Variants in RAF1 observed in about 807,000 individuals in gnomAD.
RAF1 encodes the protein RAF proto-oncogene serine/threonine-protein kinase.
In RAF1, 27 loss-of-function variants were observed where a neutral mutation model predicts 81.1. That is an observed-to-expected ratio of 0.33 (90% CI 0.25 to 0.46). The LOEUF (loss-of-function observed/expected upper bound fraction) is 0.46, where lower values mean the gene tolerates loss of function less well. RAF1 is among the 20% of genes least tolerant of loss of function. The pLI, the probability that RAF1 is intolerant of heterozygous loss-of-function variation, is 1.00. For missense variants in RAF1, 598 were observed against 826.0 expected (o/e 0.72, Z 3.38); for synonymous variants, 298 against 294.0 (o/e 1.01, Z -0.14).
chr3:12,618,195 A>G (rs968115811), intron 2 of RAF1, among the ~76,000 whole-genome samples: 1 of 152,200 alleles, frequency 6.6e-6, no homozygotes, highest in Admixed American at 6.5e-5. Flanking sequence ...GTCTTCTAAA[A>G]TAAGTAGTTG....
At position 12,604,119 on chromosome 3, in the gene RAF1, C is replaced by G. The variant is rs1277822453; in HGVS notation, c.834+17G>C. On this transcript the variant is annotated intron_variant, in intron 7 of 17. Transcript: ENST00000442415. Reference sequence around the variant, plus strand: ...CATTAATTGACTGACATTACCACCCCCAAGGTGCCCTATTACCTCAATCAT... The same window carrying G: ...CATTAATTGACTGACATTACCACCCGCAAGGTGCCCTATTACCTCAATCAT... The G allele has an allele frequency of 1.9e-6, 3 of 1,613,752 alleles. No individual in the cohort carries two copies. The highest frequency in any genetic ancestry group is 1.3e-5 in the African/African-American group (1 of 75,004).
At chr3:12,606,558 T>A (rs2125408106) in intron 5 of RAF1, among the ~76,000 whole-genome samples, 1 of 152,216 alleles carries the variant, frequency 6.6e-6, no homozygotes. Flanking sequence ...TCTTTTTTTT[T>A]AAGATGGAGT....
At chr3:12,588,108 T>C (rs1011561392) in intron 13 of RAF1, 1 of 152,840 alleles carries the variant, frequency 6.5e-6, no homozygotes, top group African/African-American at 2.4e-5. Flanking sequence ...GCCTGACCAT[T>C]GCTGACACTT....
intron 1 of RAF1, among the ~76,000 whole-genome samples, chr3:12,662,690 C>CT (rs1198101460): frequency 6.6e-6 from 1 of 152,058 alleles, no homozygotes; most frequent in African/African-American, 2.4e-5. Context: ...CAGCTGTTCC[C>CT]TGAGCTCCTC....
At chr3:12,615,729 G>A (rs1299853062) in intron 2 of RAF1, among the ~76,000 whole-genome samples, 1 of 152,136 alleles carries the variant, frequency 6.6e-6, no homozygotes, top group African/African-American at 2.4e-5. Context: ...AGGGGATCAA[G>A]GACTACATAG....
intron 1 of RAF1, among the ~76,000 whole-genome samples, chr3:12,642,453 A>G (rs9799212): frequency 6.6e-6 from 1 of 151,328 alleles, no homozygotes; most frequent in Non-Finnish European, 1.5e-5. Flanking sequence ...CAGAGCTTGC[A>G]GTGAGCTGAG....
In RAF1 at chr3:12,584,087, C is replaced by T. The variant is rs1001471681; in HGVS notation, c.*427G>A. The T allele has an allele frequency of 6.4e-6, 2 of 310,466 alleles. No homozygotes were observed. Among genetic ancestry groups the T allele is most frequent in the African/African-American group, 4.1e-5 (2 of 48,498 alleles). 19.2% of individuals were successfully genotyped at this position (310,466 alleles called of 1,614,324 possible). A position where few individuals can be genotyped will look rare whatever the true frequency, so the allele number is the denominator to read the frequency against. On this transcript the variant is annotated 3_prime_UTR_variant, in exon 18 of 18. Transcript: ENST00000442415. ...CGCTGCACCACTCTCTGAAGAAAGTCCCGCCTGTGACATGCATTCCTCCAG... is the reference window on the plus strand; with the variant it reads ...CGCTGCACCACTCTCTGAAGAAAGTTCCGCCTGTGACATGCATTCCTCCAG...
chr3:12,606,925 A>G (rs2059052290), intron 5 of RAF1, among the ~76,000 whole-genome samples: 1 of 152,084 alleles, frequency 6.6e-6, no homozygotes, highest in African/African-American at 2.4e-5. Flanking sequence ...TCCTGACCTC[A>G]GGTGATTCAC....
chr3:12,635,883 G>C (rs867220338), intron 1 of RAF1, among the ~76,000 whole-genome samples: 1 of 151,328 alleles, frequency 6.6e-6, no homozygotes, highest in Non-Finnish European at 1.5e-5. Context: ...TGAGGCAGGA[G>C]AATGGCGTGA....
chr3:12,610,726 G>A (rs1441020360), intron 3 of RAF1, among the ~76,000 whole-genome samples: 1 of 152,190 alleles, frequency 6.6e-6, no homozygotes, highest in Non-Finnish European at 1.5e-5. Flanking sequence ...AAAAATGTAA[G>A]CTAACGATGA....
At chr3:12,588,534 G>A (rs908396532) in intron 13 of RAF1, 2 of 152,166 alleles carry the variant, frequency 1.3e-5, no homozygotes, top group African/African-American at 2.4e-5. Flanking sequence ...TTGTAACATG[G>A]TGAGTATTTG....
At chr3:12,607,226 T>G (rs1457035345) in intron 5 of RAF1, among the ~76,000 whole-genome samples, 1 of 152,188 alleles carries the variant, frequency 6.6e-6, no homozygotes, top group African/African-American at 2.4e-5. Context: ...TCACAGGTTA[T>G]GTCAGCAAGC....
chr3:12,659,755 C>A (rs1235598518), intron 1 of RAF1, among the ~76,000 whole-genome samples: 1 of 152,182 alleles, frequency 6.6e-6, no homozygotes, highest in Non-Finnish European at 1.5e-5. Flanking sequence ...CTCACTGTCA[C>A]ATTATCCACT....
At chr3:12,586,413 TAAA>T (rs1053766687) in intron 14 of RAF1, among the ~76,000 whole-genome samples, 2 of 151,934 alleles carry the variant, frequency 1.3e-5, no homozygotes, top group Non-Finnish European at 2.9e-5. Context: ...AAAAAAAAAT[TAAA>T]AAAGAACAAA....
chr3:12,625,999 C>T (rs2059690625), intron 1 of RAF1, among the ~76,000 whole-genome samples: 1 of 151,778 alleles, frequency 6.6e-6, no homozygotes, highest in Non-Finnish European at 1.5e-5. Context: ...GGCGCAGTGG[C>T]TCACGCCTGT....
At chr3:12,585,013 G>T in intron 16 of RAF1, 32 bp from the exon 16 acceptor site, 1 of 1,613,842 alleles carries the variant, frequency 6.2e-7, no homozygotes, top group Non-Finnish European at 8.5e-7. Flanking sequence ...AGCTAATGGG[G>T]GGTGAATGAA....
At chr3:12,649,491 A>C (rs1404967194) in intron 1 of RAF1, among the ~76,000 whole-genome samples, 1 of 151,876 alleles carries the variant, frequency 6.6e-6, no homozygotes, top group Non-Finnish European at 1.5e-5. Context: ...CTCAGCTACT[A>C]AGGAGGCTGA....
chr3:12,647,296 A>T (rs1387058450), intron 1 of RAF1, among the ~76,000 whole-genome samples: 2 of 4,778 alleles, frequency 4.2e-4, no homozygotes. Flanking sequence ...ACTCCATCTC[A>T]AAAAAAAAAA....
intron 1 of RAF1, among the ~76,000 whole-genome samples, chr3:12,625,699 ATATT>A (rs142838422): frequency 0.21 from 31,805 of 151,784 alleles, 3,521 homozygotes; most frequent in African/African-American, 0.29. Flanking sequence ...AAGTGAAAGA[ATATT>A]TACCCCCAGC....
Sources: gnomAD v4.1 joint callset for allele counts (sites outside exome capture counted in the v4.1 genomes callset) on GRCh38, gnomAD v4.1.1 for gene constraint, MANE v1.5 for transcripts, NCBI Gene and HGNC (gene_info 2026-07-23, HGNC 2026-07-21) for gene names.